Variants in TRIM54 observed in about 807,000 individuals in gnomAD.
The protein encoded by TRIM54 is tripartite motif containing 54, also known as tripartite motif-containing protein 54.
TRIM54 carries 40 observed loss-of-function variants against 42.0 expected under a neutral mutation model. That is an observed-to-expected ratio of 0.95 (90% CI 0.74 to 1.24). The LOEUF is 1.24. Among genes scored for constraint, TRIM54 ranks in the 50% most tolerant of loss-of-function variants. The pLI is 0.00. For synonymous variants in TRIM54, 199 were observed against 194.9 expected (o/e 1.02, Z -0.17); for missense variants, 485 against 480.3 (o/e 1.01, Z -0.09).
chr2:27,290,742 C>T (rs552760072), intron 1 of TRIM54, among the ~76,000 whole-genome samples: 1 of 152,302 alleles, frequency 6.6e-6, no homozygotes, highest in African/African-American at 2.4e-5. Flanking sequence ...GCTGTGATTT[C>T]CGTTGGTGAC....
chr2:27,302,676 A>G (rs1202887675), intron 3 of TRIM54, among the ~76,000 whole-genome samples: 2 of 152,068 alleles, frequency 1.3e-5, no homozygotes, highest in Admixed American at 6.6e-5. Context: ...CTGTAATCCC[A>G]GCTACTCGGG....
chr2:27,298,840 C>G, intron 2 of TRIM54, 101 bp downstream of exon 2: 1 of 1,287,470 alleles, frequency 7.8e-7, no homozygotes, highest in Non-Finnish European at 1.1e-6. Flanking sequence ...GTCAACCTGC[C>G]TGTTCTGTCT....
intron 3 of TRIM54, among the ~76,000 whole-genome samples, chr2:27,301,521 A>G (rs1475011184): frequency 1.3e-5 from 2 of 152,184 alleles, no homozygotes; most frequent in African/African-American, 4.8e-5. Flanking sequence ...TTTAGAACAT[A>G]TACGGTCACT....
chr2:27,306,386 T>G lies in TRIM54; in HGVS notation c.991+49T>G, dbSNP rs567801354. ...CTGAGACGGGTTCGGACCCTCTGTG[T>G]GGGGGGTGCGGCGGGCACGATGGCC... is the stretch of plus-strand genomic sequence containing the variant. On this transcript the variant is annotated intron_variant, in intron 7 of 8. Transcript: ENST00000380075. The surrounding 1 kb of genome is among the most constrained non-coding windows in gnomAD (Gnocchi z 6.1). 99 of 1,613,498 alleles carry G rather than the reference T, an allele frequency of 6.1e-5. No individual in the cohort carries two copies. In the Admixed American group the frequency reaches 7.0e-4, roughly 11 times the overall value.
intron 1 of TRIM54, among the ~76,000 whole-genome samples, chr2:27,283,413 T>C (rs911326488): frequency 1.3e-5 from 2 of 152,100 alleles, no homozygotes; most frequent in African/African-American, 2.4e-5. Context: ...GAGTTAGACA[T>C]AGTGGGCAGG....
chr2:27,288,730 C>T (rs529943143), intron 1 of TRIM54, among the ~76,000 whole-genome samples: 8 of 152,278 alleles, frequency 5.3e-5, no homozygotes, highest in Admixed American at 5.2e-4. Context: ...CTCCGTTTTA[C>T]AGAAGAGAAC....
chr2:27,285,863 GT>G (rs1395895200), intron 1 of TRIM54, among the ~76,000 whole-genome samples: 15 of 152,316 alleles, frequency 9.8e-5, no homozygotes, highest in African/African-American at 3.6e-4. Context: ...ACAAACAAGA[GT>G]TTTTGGGAAT....
intron 1 of TRIM54, among the ~76,000 whole-genome samples, chr2:27,296,341 A>G (rs537942395): frequency 1.5e-4 from 23 of 152,296 alleles, no homozygotes; most frequent in African/African-American, 4.8e-4. Flanking sequence ...ATAGGTGACC[A>G]CTGTCTCCAT....
intron 1 of TRIM54, among the ~76,000 whole-genome samples, chr2:27,284,728 G>A (rs1435864430): frequency 6.6e-6 from 1 of 152,114 alleles, no homozygotes; most frequent in East Asian, 1.9e-4. Flanking sequence ...TGAACTTACA[G>A]TGAAACATCC....
In TRIM54 at chr2:27,282,646, C is replaced by T; in HGVS notation, c.-86C>T. On this transcript the variant is annotated 5_prime_UTR_variant, in exon 1 of 9. Coordinates refer to ENST00000380075, the MANE Select transcript of TRIM54 (RefSeq NM_187841.3). ...TCAAGAGTGAGCCACAGAAGGGAAT[C>T]CAGAGGCCATCTAAGCGAGGAAGGG... 3 of 1,434,656 alleles carry T rather than the reference C, an allele frequency of 2.1e-6. No homozygotes were observed. The highest frequency in any genetic ancestry group is 2.8e-6 in the Non-Finnish European group (3 of 1,068,632). 88.9% of individuals were successfully genotyped at this position (1,434,656 alleles called of 1,614,324 possible).
intron 1 of TRIM54, among the ~76,000 whole-genome samples, chr2:27,297,007 C>T (rs993771458): frequency 6.6e-6 from 1 of 152,216 alleles, no homozygotes; most frequent in African/African-American, 2.4e-5. Context: ...GATCTGCCCA[C>T]CTCGGCCTCC....
At chr2:27,305,255 C>T in intron 4 of TRIM54, 1 of 599,930 alleles carries the variant, frequency 1.7e-6, no homozygotes, top group East Asian at 2.8e-5. Flanking sequence ...AGTTATTTAA[C>T]TTCTCTGTGC....
chr2:27,283,782 G>GTGCA (rs1553379093), intron 1 of TRIM54, among the ~76,000 whole-genome samples: 1 of 86,322 alleles, frequency 1.2e-5, no homozygotes, highest in Admixed American at 1.2e-4. Flanking sequence ...ACACACACGC[G>GTGCA]CGCACACACA....
At chr2:27,283,764 G>GCACA (rs72401083) in intron 1 of TRIM54, among the ~76,000 whole-genome samples, 6 of 117,866 alleles carry the variant, frequency 5.1e-5, no homozygotes, top group African/African-American at 2.0e-4. Context: ...AGGGGCAAAG[G>GCACA]CACACACACA....
chr2:27,282,986 G>A, intron 1 of TRIM54, 87 bp downstream of exon 1: 1 of 1,410,730 alleles, frequency 7.1e-7, no homozygotes, highest in Non-Finnish European at 9.6e-7. Flanking sequence ...CCCAGAAGGT[G>A]ATGGATAGAG....
intron 3 of TRIM54, among the ~76,000 whole-genome samples, chr2:27,300,002 G>A (rs1678984860): frequency 6.6e-6 from 1 of 151,458 alleles, no homozygotes; most frequent in Non-Finnish European, 1.5e-5. Context: ...GAGATGTGGG[G>A]ATCTCTGTCG....
intron 1 of TRIM54, among the ~76,000 whole-genome samples, chr2:27,286,580 C>G (rs528567965): frequency 2.0e-5 from 3 of 152,248 alleles, no homozygotes; most frequent in South Asian, 2.1e-4. Context: ...TTAAAGCAAG[C>G]CTTCAGTTTA....
chr2:27,298,532 C>A, intron 1 of TRIM54, 35 bp from the exon 2 acceptor site: 1 of 1,589,788 alleles, frequency 6.3e-7, no homozygotes, highest in South Asian at 1.1e-5. Flanking sequence ...TCATGCCTCC[C>A]CGTGCCTGTT....
At chr2:27,290,483 C>T (rs547527585) in intron 1 of TRIM54, among the ~76,000 whole-genome samples, 8 of 152,088 alleles carry the variant, frequency 5.3e-5, no homozygotes, top group African/African-American at 1.7e-4. Flanking sequence ...CTGGCTAACA[C>T]GGTGAAACCC....
Sources: gnomAD v4.1 joint callset for allele counts (sites outside exome capture counted in the v4.1 genomes callset) on GRCh38, gnomAD v4.1.1 for gene constraint, Gnocchi (gnomAD v3.1) non-coding constraint, MANE v1.5 for transcripts, NCBI Gene and HGNC (gene_info 2026-07-23, HGNC 2026-07-21) for gene names.